The following FAM177A1 variants were observed in gnomAD, a reference collection of about 807,000 sequenced individuals.
FAM177A1 encodes family with sequence similarity 177 member A1, also known as protein FAM177A1.
A neutral mutation model predicts 26.1 loss-of-function variants in FAM177A1; 22 were observed. The observed-to-expected ratio is 0.84, with a 90% CI of 0.60 to 1.20. FAM177A1 has a LOEUF of 1.20. FAM177A1 is among the 50% of genes most tolerant of loss of function. The pLI is 0.00. For missense variants in FAM177A1, 296 were observed against 291.1 expected, an observed-to-expected ratio of 1.02 and a Z score of -0.12; for synonymous variants, 95 against 99.3, an observed-to-expected ratio of 0.96 and a Z score of 0.26.
chr14:35,073,102 T>TC (rs1172185693), intron 2 of FAM177A1, among the ~76,000 whole-genome samples: 1 of 152,278 alleles, frequency 6.6e-6, no homozygotes, highest in Admixed American at 6.5e-5. Context: ...AGACGGAGTC[T>TC]CGCTGTCACC....
chr14:35,047,418 A>G (rs1387098164), intron 1 of FAM177A1, among the ~76,000 whole-genome samples: 1 of 152,194 alleles, frequency 6.6e-6, no homozygotes, highest in Non-Finnish European at 1.5e-5. Context: ...CATTAGCCAC[A>G]TGTGGCTAGT....
intron 1 of FAM177A1, chr14:35,050,365 A>T (rs2044945182): frequency 6.6e-6 from 1 of 152,162 alleles, no homozygotes; most frequent in African/African-American, 2.4e-5. Context: ...ATGTTTGAAA[A>T]ATAAAAAAAG....
intron 2 of FAM177A1, among the ~76,000 whole-genome samples, chr14:35,066,685 G>A (rs1249998474): frequency 2.0e-5 from 3 of 152,026 alleles, no homozygotes; most frequent in Non-Finnish European, 4.4e-5. Context: ...GATTACAGGC[G>A]TGAGCCACCG....
chr14:35,061,015 ATTG>A (rs1370634832), intron 2 of FAM177A1, among the ~76,000 whole-genome samples: 1 of 152,098 alleles, frequency 6.6e-6, no homozygotes, highest in Admixed American at 6.6e-5. Context: ...ATTATTAGCT[ATTG>A]TTAATCTCTT....
intron 4 of FAM177A1, among the ~76,000 whole-genome samples, chr14:35,080,642 A>C (rs576847613): frequency 2.6e-5 from 4 of 152,250 alleles, no homozygotes; most frequent in Admixed American, 2.6e-4. Context: ...CTTTACTAAA[A>C]ATACAAAAAT....
At chr14:35,060,755 C>G (rs1004344673) in intron 2 of FAM177A1, among the ~76,000 whole-genome samples, 9 of 152,110 alleles carry the variant, frequency 5.9e-5, no homozygotes, top group Admixed American at 6.6e-5. Context: ...GTAGTCCCCC[C>G]TTTATTTGTA....
chr14:35,072,100 C>T (rs1595054207), intron 2 of FAM177A1, among the ~76,000 whole-genome samples: 2 of 152,138 alleles, frequency 1.3e-5, no homozygotes, highest in African/African-American at 4.8e-5. Flanking sequence ...TATAGTGAAA[C>T]CCCATCTCTA....
chr14:35,059,321 C>T (rs1595043586), intron 2 of FAM177A1, among the ~76,000 whole-genome samples: 1 of 152,050 alleles, frequency 6.6e-6, no homozygotes, highest in Non-Finnish European at 1.5e-5. Flanking sequence ...CTCTTGTAGA[C>T]AGCATATAGT....
chr14:35,082,372 G>T lies in FAM177A1; in HGVS notation c.*1144G>T, dbSNP rs534772082. On this transcript the variant is annotated 3_prime_UTR_variant, in exon 5 of 5. Transcript: ENST00000280987. ...CTACAAAAATACAAAAATTAGCCAG[G>T]CGTGGTGGTGCACGTCTGTAATCCC... 2.6e-5 allele frequency: 4 copies of T among 152,252 alleles called. No individual in the cohort carries two copies. Among genetic ancestry groups the T allele is most frequent in the East Asian group, 1.9e-4 (1 of 5,168 alleles). 9.4% of individuals were successfully genotyped at this position (152,252 alleles called of 1,614,324 possible). A position where few individuals can be genotyped will look rare whatever the true frequency, so the allele number is the denominator to read the frequency against.
intron 2 of FAM177A1, among the ~76,000 whole-genome samples, chr14:35,063,735 T>A (rs2045195741): frequency 6.6e-6 from 1 of 152,058 alleles, no homozygotes; most frequent in African/African-American, 2.4e-5. Context: ...GTTTAAAGCT[T>A]TAAAATTATA....
chr14:35,047,772 ACAACAACAAC>A (rs1244005861), intron 1 of FAM177A1, among the ~76,000 whole-genome samples: 5 of 131,096 alleles, frequency 3.8e-5, no homozygotes, highest in Non-Finnish European at 6.9e-5. Context: ...AACAACAACA[ACAACAACAAC>A]AAAAAAAAAA....
chr14:35,063,964 C>T (rs2045200270), intron 2 of FAM177A1, among the ~76,000 whole-genome samples: 1 of 148,256 alleles, frequency 6.7e-6, no homozygotes, highest in South Asian at 2.1e-4. Flanking sequence ...AGGAGAATCG[C>T]TTGAATCCAG....
chr14:35,057,277 C>T (rs945438668), intron 2 of FAM177A1, among the ~76,000 whole-genome samples: 14 of 152,110 alleles, frequency 9.2e-5, no homozygotes, highest in Non-Finnish European at 1.9e-4. Flanking sequence ...CCTAGGCTGG[C>T]TTCGAACTCA....
intron 2 of FAM177A1, among the ~76,000 whole-genome samples, chr14:35,073,096 G>A (rs1048782711): frequency 4.0e-5 from 6 of 151,110 alleles, no homozygotes; most frequent in African/African-American, 1.5e-4. Context: ...TTTTTGAGAC[G>A]GAGTCTCGCT....
At chr14:35,063,941 G>A (rs774225814) in intron 2 of FAM177A1, among the ~76,000 whole-genome samples, 2 of 151,306 alleles carry the variant, frequency 1.3e-5, no homozygotes, top group East Asian at 1.9e-4. Context: ...CCAGCTACTC[G>A]GGAGGCTGAG....
At chr14:35,047,261 C>G (rs1273997908) in intron 1 of FAM177A1, among the ~76,000 whole-genome samples, 2 of 152,218 alleles carry the variant, frequency 1.3e-5, no homozygotes, top group East Asian at 3.8e-4. Context: ...CCTAATTTAT[C>G]AAAACAATTT....
intron 2 of FAM177A1, among the ~76,000 whole-genome samples, chr14:35,057,638 C>A (rs1196273875): frequency 2.6e-5 from 4 of 152,164 alleles, no homozygotes; most frequent in Non-Finnish European, 5.9e-5. Context: ...CCTCGGCCTC[C>A]CAAAGTGCTG....
intron 1 of FAM177A1, chr14:35,046,914 C>T: frequency 8.2e-7 from 1 of 1,222,774 alleles, no homozygotes; most frequent in Non-Finnish European, 1.0e-6. Flanking sequence ...AGAAGAAAGG[C>T]GTGTCCCCCA....
chr14:35,072,781 T>A (rs2045341993), intron 2 of FAM177A1, among the ~76,000 whole-genome samples: 1 of 152,150 alleles, frequency 6.6e-6, no homozygotes, highest in African/African-American at 2.4e-5. Context: ...TCTGTTAATA[T>A]CTCTGGTGTT....
Sources: allele counts gnomAD v4.1 joint callset (sites outside exome capture counted in the v4.1 genomes callset), GRCh38; gene constraint gnomAD v4.1.1; transcripts MANE v1.5; gene names NCBI Gene and HGNC (gene_info 2026-07-23, HGNC 2026-07-21).